Variants in NOS1AP observed in about 807,000 individuals in gnomAD.
The protein encoded by NOS1AP is carboxyl-terminal PDZ ligand of neuronal nitric oxide synthase protein.
NOS1AP carries 21 observed loss-of-function variants against 56.2 expected under a neutral mutation model. The observed-to-expected ratio is 0.37, with a 90% CI of 0.26 to 0.54. The LOEUF is 0.54. NOS1AP is among the 20% of genes least tolerant of loss of function. The pLI is 0.84. For synonymous variants in NOS1AP, 270 were observed against 274.6 expected, an observed-to-expected ratio of 0.98 and a Z score of 0.17; for missense variants, 522 against 657.8, an observed-to-expected ratio of 0.79 and a Z score of 2.26.
chr1:162,074,759 C>T (rs937113917), intron 1 of NOS1AP, among the ~76,000 whole-genome samples: 16 of 152,186 alleles, frequency 1.1e-4, no homozygotes, highest in Non-Finnish European at 1.9e-4. Context: ...CACTTTGCTG[C>T]ATTCATCCAC....
chr1:162,134,256 C>T (rs748208876), intron 1 of NOS1AP, among the ~76,000 whole-genome samples: 15 of 151,884 alleles, frequency 9.9e-5, no homozygotes, highest in Non-Finnish European at 1.9e-4. Context: ...TTTAGGAGGC[C>T]GAGGCAGACA....
At chr1:162,275,167 CGTT>C (rs1654698043) in intron 2 of NOS1AP, among the ~76,000 whole-genome samples, 1 of 151,842 alleles carries the variant, frequency 6.6e-6, no homozygotes, top group South Asian at 2.1e-4. Context: ...TTTTTGTTGT[CGTT>C]GTTGTTTCTG....
At chr1:162,103,982 A>G (rs11484806) in intron 1 of NOS1AP, among the ~76,000 whole-genome samples, 17,612 of 152,182 alleles carry the variant, frequency 0.12, 2,276 homozygotes, top group African/African-American at 0.32. Flanking sequence ...AGACTTGTTT[A>G]TGTGATTGCT....
intron 2 of NOS1AP, among the ~76,000 whole-genome samples, chr1:162,265,280 A>T (rs1299650668): frequency 6.6e-6 from 1 of 150,698 alleles, no homozygotes; most frequent in Non-Finnish European, 1.5e-5. Flanking sequence ...CACAATGTGC[A>T]GGTTAGTTAC....
chr1:162,273,312 CGCCACCACACCCG>C (rs1441286872), intron 2 of NOS1AP, among the ~76,000 whole-genome samples: 1 of 151,870 alleles, frequency 6.6e-6, no homozygotes, highest in Non-Finnish European at 1.5e-5. Flanking sequence ...TACAGGCGCC[CGCCACCACACCCG>C]GCTAATTTTT....
At chr1:162,241,870 C>CT (rs1653498935) in intron 2 of NOS1AP, among the ~76,000 whole-genome samples, 2 of 152,186 alleles carry the variant, frequency 1.3e-5, no homozygotes, top group Non-Finnish European at 2.9e-5. Context: ...CATCTCTAGT[C>CT]TTACTTTTTC....
chr1:162,256,030 G>A (rs12036220), intron 2 of NOS1AP, among the ~76,000 whole-genome samples: 3 of 152,134 alleles, frequency 2.0e-5, no homozygotes, highest in Non-Finnish European at 4.4e-5. Context: ...TGTAATCCCA[G>A]CTACTGGGGA....
chr1:162,200,416 C>G (rs1651955835), intron 2 of NOS1AP, among the ~76,000 whole-genome samples: 1 of 152,204 alleles, frequency 6.6e-6, no homozygotes, highest in African/African-American at 2.4e-5. Flanking sequence ...CTGTCTGTGA[C>G]TCCTTGGGCT....
At chr1:162,268,774 A>C (rs1395900822) in intron 2 of NOS1AP, among the ~76,000 whole-genome samples, 1 of 152,160 alleles carries the variant, frequency 6.6e-6, no homozygotes, top group Non-Finnish European at 1.5e-5. Flanking sequence ...AAACTAAAAA[A>C]GAAGTCAGTA....
In NOS1AP at chr1:162,189,313, A is replaced by G. The variant is rs543600039; in HGVS notation, c.177+34837A>G. ...TAGGCAGACTTCATCTATTTGAAAC[A>G]TGGAAAAAGTTTAAGGTGCTCATTT... is the stretch of plus-strand genomic sequence containing the variant. On this transcript the variant is annotated intron_variant, in intron 2 of 9. Coordinates refer to ENST00000361897, the MANE Select transcript of NOS1AP (RefSeq NM_014697.3). Among the ~76,000 whole-genome samples the G allele has an allele frequency of 6.6e-5, 10 of 152,364 alleles. 1 individual carries two copies. The South Asian group carries it at 2.1e-3, about 32-fold the overall frequency.
intron 2 of NOS1AP, among the ~76,000 whole-genome samples, chr1:162,243,877 G>A (rs190548875): frequency 6.6e-6 from 1 of 152,160 alleles, no homozygotes. Context: ...CCCCTCAAAG[G>A]GGGTGTGAGT....
chr1:162,357,305 T>A (rs1657738116), intron 8 of NOS1AP, 169 bp downstream of exon 8: 1 of 1,216,270 alleles, frequency 8.2e-7, no homozygotes, highest in Non-Finnish European at 1.1e-6. Flanking sequence ...GGGGGATAGA[T>A]GGGGGATGCA....
chr1:162,109,938 C>G (rs546176089), intron 1 of NOS1AP, among the ~76,000 whole-genome samples: 1 of 152,288 alleles, frequency 6.6e-6, no homozygotes, highest in Non-Finnish European at 1.5e-5. Flanking sequence ...CCTCTGCCAT[C>G]ATCCCTTCCA....
intron 3 of NOS1AP, among the ~76,000 whole-genome samples, chr1:162,287,958 C>T (rs761982757): frequency 3.0e-4 from 45 of 152,120 alleles, no homozygotes; most frequent in Non-Finnish European, 5.1e-4. Context: ...GCTGCTGCTC[C>T]GTGTGCAGGG....
At chr1:162,085,453 C>A (rs1572496) in intron 1 of NOS1AP, among the ~76,000 whole-genome samples, 149,616 of 152,264 alleles carry the variant, frequency 0.98, 73,569 homozygotes, top group Middle Eastern at 1. Context: ...GGAAGTTTCA[C>A]TGGGAAGACC....
At chr1:162,212,854 A>G (rs1280264903) in intron 2 of NOS1AP, among the ~76,000 whole-genome samples, 1 of 103,198 alleles carries the variant, frequency 9.7e-6, no homozygotes, top group Admixed American at 1.1e-4. Context: ...TAGCTTCTGA[A>G]CTCTCTGTGG....
Position 162,294,855 on chromosome 1 carries a change from T to C in NOS1AP, c.271-5778T>C, listed in dbSNP as rs566746202. ...TTGCCCCTAGGACTAATTAATCTGC[T>C]CCACCAGGCACTCCCTCCCCACTCA... On this transcript the variant is annotated intron_variant, in intron 3 of 9. Transcript: ENST00000361897. Among the ~76,000 whole-genome samples the C allele has an allele frequency of 8.5e-5, 13 of 152,312 alleles. 1 individual carries two copies. Among genetic ancestry groups the C allele is most frequent in the African/African-American group, 1.9e-4 (8 of 41,580 alleles).
At chr1:162,132,047 A>G (rs1182316399) in intron 1 of NOS1AP, among the ~76,000 whole-genome samples, 1 of 152,188 alleles carries the variant, frequency 6.6e-6, no homozygotes, top group Non-Finnish European at 1.5e-5. Context: ...CAAGAAATCT[A>G]TTTGGTGATA....
intron 2 of NOS1AP, among the ~76,000 whole-genome samples, chr1:162,162,851 G>C (rs1421048940): frequency 6.6e-6 from 1 of 152,026 alleles, no homozygotes. Context: ...ACAATTCAGT[G>C]AGTTTTAGTA....
Sources: gnomAD v4.1 joint callset for allele counts (sites outside exome capture counted in the v4.1 genomes callset) on GRCh38, gnomAD v4.1.1 for gene constraint, MANE v1.5 for transcripts, NCBI Gene and HGNC (gene_info 2026-07-23, HGNC 2026-07-21) for gene names.